The following ZNF33A variants were observed in gnomAD, a reference collection of about 807,000 sequenced individuals.
ZNF33A encodes the protein zinc finger protein 33A, also known as brain my041 protein.
A neutral mutation model predicts 15.9 loss-of-function variants in ZNF33A; 9 were observed. The ratio of observed to expected loss-of-function variants is 0.57; its 90% CI spans 0.34 to 0.99. ZNF33A has a LOEUF of 0.99. ZNF33A is among the 50% of genes least tolerant of loss of function. The pLI is 0.02. For synonymous variants in ZNF33A, 294 were observed against 324.2 expected, an observed-to-expected ratio of 0.91 and a Z score of 1.00; for missense variants, 843 against 941.6, an observed-to-expected ratio of 0.90 and a Z score of 1.37.
chr10:38,012,712 G>C (rs911107186), intron 2 of ZNF33A, among the ~76,000 whole-genome samples: 6 of 152,202 alleles, frequency 3.9e-5, no homozygotes, highest in African/African-American at 1.2e-4. Flanking sequence ...GATTACAAGC[G>C]TGAGGCACCG....
rs768887229 is a variant in ZNF33A at position 38,054,360 on chromosome 10, T to C, written c.251-15T>C. On this transcript the variant is annotated splice_polypyrimidine_tract_variant and intron_variant, in intron 4 of 4. Coordinates refer to ENST00000432900, the MANE Select transcript of ZNF33A (RefSeq NM_006954.2). ...TTGGTATTTATGTGGTAAGATTAAT[T>C]TTGCTTGTTTCTAGAAGTCTGGACA... The C allele has an allele frequency of 3.2e-5, 48 of 1,515,286 alleles. No individual in the cohort carries two copies. Among genetic ancestry groups the C allele is most frequent in the Non-Finnish European group, 4.0e-5 (46 of 1,138,148 alleles). 93.9% of individuals were successfully genotyped at this position (1,515,286 alleles called of 1,614,324 possible).
intron 4 of ZNF33A, among the ~76,000 whole-genome samples, chr10:38,020,799 G>C (rs1177609955): frequency 2.0e-5 from 3 of 152,174 alleles, no homozygotes; most frequent in Non-Finnish European, 4.4e-5. Flanking sequence ...GTAAACATGG[G>C]AGCAGAGATA....
chr10:38,056,540 G>T lies in ZNF33A; in HGVS notation c.2416G>T (p.Asp806Tyr). ...EYSHCGESPD[D>Y]ILNVQ ...TTCACACTGTGGAGAAAGCCCTGAT[G>T]ACATCCTGAATGTTCAGTAACTATC... Residue 806 changes from aspartate to tyrosine, a missense_variant, in exon 5 of 5, where the codon GAC (aspartate) becomes TAC (tyrosine). Coordinates refer to ENST00000432900, the MANE Select transcript of ZNF33A (RefSeq NM_006954.2). 1 of 1,578,076 alleles carries T rather than the reference G, an allele frequency of 6.3e-7. No individual in the cohort carries two copies. The highest frequency in any genetic ancestry group is 1.2e-5 in the South Asian group (1 of 84,402).
At chr10:38,011,356 G>A (rs2064176129) in intron 1 of ZNF33A, among the ~76,000 whole-genome samples, 1 of 152,110 alleles carries the variant, frequency 6.6e-6, no homozygotes, top group Admixed American at 6.5e-5. Context: ...AGGCCGAGGC[G>A]GGTGGATCAC....
chr10:38,016,961 A>G lies in ZNF33A; in HGVS notation c.100A>G (p.Arg34Gly), dbSNP rs2064477293. The stretch of plus-strand genomic sequence containing the variant: ...GTGGCAGCACCTGGACCCTAGTCAG[A>G]GGGCTCTGTATAGAGATGTGATGCT... ...EEWQHLDPSQ[R>G]ALYRDVMLEN... The change falls in exon 3 of 5, where the codon AGG (arginine) becomes GGG (glycine). Residue 34 changes from arginine to glycine, a missense_variant. Physicochemically the swap from Arg to Gly is moderately radical, Grantham distance 125. Transcript: ENST00000432900. 6.2e-7 allele frequency: 1 copy of G among 1,613,884 alleles called. No individual in the cohort carries two copies. The highest frequency in any genetic ancestry group is 8.5e-7 in the Non-Finnish European group (1 of 1,180,008).
rs144761582 is a variant in ZNF33A, at chr10:38,054,686, C to T, written c.562C>T (p.Gln188Ter). 7 of 1,613,606 alleles carry T rather than the reference C, an allele frequency of 4.3e-6. No homozygotes were observed. Among genetic ancestry groups the T allele is most frequent in the African/African-American group, 2.7e-5 (2 of 74,968 alleles). The change falls in exon 5 of 5, where the codon CAA becomes TAA. Residue 188 changes from glutamine (Q) to a stop codon, truncating the protein, a stop_gained. Transcript: ENST00000432900. LOFTEE classifies it low-confidence loss of function (END_TRUNC). The part of the protein sequence containing the change: ...LNIKHDETHT[Q>*]EKNEVLKNRN... Reference sequence around the variant, plus strand: ...TATTAAGCATGATGAAACTCATACTCAAGAGAAAAATGAAGTTTTGAAAAA... The same window carrying T: ...TATTAAGCATGATGAAACTCATACTTAAGAGAAAAATGAAGTTTTGAAAAA...
chr10:38,012,486 C>T lies in ZNF33A; in HGVS notation c.9+136C>T, dbSNP rs2064234615. 2.3e-5 allele frequency: 24 copies of T among 1,031,766 alleles called. 1 individual carries two copies. The highest frequency in any genetic ancestry group is 3.1e-5 in the Non-Finnish European group (23 of 732,134). 63.9% of individuals were successfully genotyped at this position (1,031,766 alleles called of 1,614,324 possible). A position where few individuals can be genotyped will look rare whatever the true frequency, so the allele number is the denominator to read the frequency against. ...TCACTCTGTCACCCAGGCTGGAGTA[C>T]AATGTCCCCATCTCGGTTCACTGCA... On this transcript the variant is annotated intron_variant, in intron 2 of 4. Transcript: ENST00000432900.
Position 38,058,017 on chromosome 10 carries a change from G to A in ZNF33A, c.*1457G>A. 2 of 984,956 alleles carry A rather than the reference G, an allele frequency of 2.0e-6. No homozygotes were observed. Among genetic ancestry groups the A allele is most frequent in the East Asian group, 1.1e-4 (1 of 8,804 alleles). The allele number at this position is 984,956 out of a possible 1,614,324, so 61.0% of individuals were successfully genotyped here. On this transcript the variant is annotated 3_prime_UTR_variant, in exon 5 of 5. Coordinates refer to ENST00000432900, the MANE Select transcript of ZNF33A (RefSeq NM_006954.2). ...GTGAAGATTGTACACTATATTACAT[G>A]ATCAGATCATACAAATAATCTAAGA... is the stretch of plus-strand genomic sequence containing the variant.
intron 4 of ZNF33A, among the ~76,000 whole-genome samples, chr10:38,023,841 G>A (rs544486143): frequency 4.6e-5 from 7 of 152,188 alleles, no homozygotes; most frequent in South Asian, 2.1e-4. Flanking sequence ...GATTGTATAC[G>A]TAGAATATTA....
At chr10:38,049,141 C>T (rs1290004038) in intron 4 of ZNF33A, among the ~76,000 whole-genome samples, 1 of 152,068 alleles carries the variant, frequency 6.6e-6, no homozygotes, top group Admixed American at 6.5e-5. Context: ...TATAAAATCC[C>T]TAATAGTTGG....
chr10:38,039,580 T>C, intron 4 of ZNF33A: 1 of 453,674 alleles, frequency 2.2e-6, no homozygotes, highest in Non-Finnish European at 4.4e-6. Flanking sequence ...GTGTAGGTCT[T>C]TTCAGATTTT....
Position 38,056,128 on chromosome 10 carries a change from T to G in ZNF33A, c.2004T>G (p.Asn668Lys). The stretch of plus-strand genomic sequence containing the variant: ...CACAAGAAAAGCCCTATAAATGTAA[T>G]GAATGTGGAAAATCTTTCTGTGTAA... ...THTQEKPYKC[N>K]ECGKSFCVKS... The change falls in exon 5 of 5, where the codon AAT becomes AAG. Residue 668 changes from asparagine to lysine, a missense_variant. By Grantham distance (94) the Asn-to-Lys change is moderately conservative. Coordinates refer to ENST00000432900, the MANE Select transcript of ZNF33A (RefSeq NM_006954.2). The G allele has an allele frequency of 6.2e-7, 1 of 1,614,032 alleles. No homozygotes were observed. The highest frequency in any genetic ancestry group is 8.5e-7 in the Non-Finnish European group (1 of 1,179,982).
intron 4 of ZNF33A, among the ~76,000 whole-genome samples, chr10:38,048,050 A>G (rs1484911207): frequency 6.6e-6 from 1 of 152,218 alleles, no homozygotes; most frequent in African/African-American, 2.4e-5. Flanking sequence ...AACTCAACGT[A>G]GAGTTATATA....
intron 4 of ZNF33A, among the ~76,000 whole-genome samples, chr10:38,023,096 C>G (rs1181974036): frequency 6.6e-6 from 1 of 152,096 alleles, no homozygotes; most frequent in African/African-American, 2.4e-5. Context: ...CAGGCACATG[C>G]CACCACACTC....
rs1180279590 is a variant in ZNF33A, at chr10:38,055,722, C to A, written c.1598C>A (p.Thr533Asn). 83 of 1,613,622 alleles carry A rather than the reference C, an allele frequency of 5.1e-5. No individual in the cohort carries two copies. Among genetic ancestry groups the A allele is most frequent in the Admixed American group, 1.2e-4 (7 of 59,954 alleles). The change falls in exon 5 of 5, where the codon ACC becomes AAC. Residue 533 changes from threonine (T) to asparagine (N), a missense_variant. Physicochemically the swap from Thr to Asn is moderately conservative, Grantham distance 65 (BLOSUM62 0). Coordinates refer to ENST00000432900, the MANE Select transcript of ZNF33A (RefSeq NM_006954.2). ...TATGAATGTTATGAATGTGGGAAAA[C>A]CTTCTGCTTGAAGTCAGACCTCACA... ...KPYECYECGK[T>N]FCLKSDLTVH...
At chr10:38,067,203 A>G (rs1453013182), downstream of ZNF33A, among the ~76,000 whole-genome samples, 1 of 152,150 alleles carries the variant, frequency 6.6e-6, no homozygotes, top group Admixed American at 6.5e-5. Flanking sequence ...ACACCAGACC[A>G]CATGTTCCAT....
intron 4 of ZNF33A, among the ~76,000 whole-genome samples, chr10:38,028,863 TG>T (rs948894964): frequency 2.6e-5 from 4 of 152,208 alleles, no homozygotes; most frequent in South Asian, 2.1e-4. Flanking sequence ...TAGTTAACCA[TG>T]GGGATTGCTT....
At chr10:38,030,420 A>G (rs550544742) in intron 4 of ZNF33A, among the ~76,000 whole-genome samples, 33 of 152,284 alleles carry the variant, frequency 2.2e-4, no homozygotes, top group African/African-American at 7.7e-4. Flanking sequence ...AATGGCCAAT[A>G]CATGTAACAT....
chr10:38,010,667 A>G (rs780108290), upstream of ZNF33A: 1 of 1,575,522 alleles, frequency 6.3e-7, no homozygotes. Context: ...TCCGCCGGCT[A>G]CGTCTGCGTT....
Sources: allele counts gnomAD v4.1 joint callset (sites outside exome capture counted in the v4.1 genomes callset), GRCh38; gene constraint gnomAD v4.1.1; transcripts MANE v1.5; gene names NCBI Gene and HGNC (gene_info 2026-07-23, HGNC 2026-07-21).